The following DAB2 variants were observed in gnomAD, a reference collection of about 807,000 sequenced individuals.
DAB2 encodes DAB adaptor protein 2, also known as disabled homolog 2.
Under a neutral mutation model 71.6 loss-of-function variants are expected in DAB2, and 28 were observed. That is an observed-to-expected ratio of 0.39 (90% CI 0.29 to 0.54). The LOEUF (loss-of-function observed/expected upper bound fraction) is 0.54, where lower values mean the gene tolerates loss of function less well. Ranked by LOEUF, DAB2 falls within the 20% of genes least tolerant of loss-of-function variation. DAB2 has a pLI of 0.68. For synonymous variants in DAB2, 345 were observed against 339.7 expected, an observed-to-expected ratio of 1.02 and a Z score of -0.17; for missense variants, 867 against 928.8, an observed-to-expected ratio of 0.93 and a Z score of 0.86.
In DAB2 at chr5:39,405,983, T is replaced by C. The variant is rs116849463; in HGVS notation, c.-101-11562A>G. ...CATTGTTCTGGGAAAAAGGATAATATGGCTTTATTATGGGGTTGGAAGAGT... is the reference window on the plus strand; with the variant it reads ...CATTGTTCTGGGAAAAAGGATAATACGGCTTTATTATGGGGTTGGAAGAGT... On this transcript the variant is annotated intron_variant, in intron 1 of 14. Transcript: ENST00000320816. Among the ~76,000 whole-genome samples the C allele has an allele frequency of 2.9e-3, 439 of 152,254 alleles. 13 individuals are homozygous for C. In the East Asian group the frequency reaches 0.057, roughly 20 times the overall value.
At chr5:39,387,013 C>T (rs1478597954) in intron 9 of DAB2, among the ~76,000 whole-genome samples, 1 of 152,150 alleles carries the variant, frequency 6.6e-6, no homozygotes, top group Non-Finnish European at 1.5e-5. Context: ...TTAGGGCTCA[C>T]TGCTAAAATG....
At position 39,392,418 on chromosome 5, in the gene DAB2, T is replaced by G; in HGVS notation, c.277A>C (p.Ile93Leu). 1 of 1,614,088 alleles carries G rather than the reference T, an allele frequency of 6.2e-7. No homozygotes were observed. The highest frequency in any genetic ancestry group is 8.5e-7 in the Non-Finnish European group (1 of 1,179,986). ...GRSQGQHKQR[I>L]WVNISLSGIK... The stretch of plus-strand genomic sequence containing the variant: ...CCAGAAAGGGAAATGTTGACCCAGA[T>G]CCTTTGTTTGTGTTGTCCCTGAGAC... Residue 93 changes from isoleucine (I) to leucine (L), a missense_variant, in exon 4 of 15, where the codon ATC (isoleucine) becomes CTC (leucine). Physicochemically the swap from Ile to Leu is conservative, Grantham distance 5. Coordinates refer to ENST00000320816, the MANE Select transcript of DAB2 (RefSeq NM_001343.4).
At chr5:39,414,340 C>A (rs933296040) in intron 1 of DAB2, among the ~76,000 whole-genome samples, 1 of 152,076 alleles carries the variant, frequency 6.6e-6, no homozygotes, top group Non-Finnish European at 1.5e-5. Context: ...AAAGCAATAG[C>A]CTTAATTATC....
In DAB2 at chr5:39,376,863, G is replaced by T; in HGVS notation, c.1924C>A (p.Pro642Thr). 6.2e-7 allele frequency: 1 copy of T among 1,614,110 alleles called. No homozygotes were observed. Among genetic ancestry groups the T allele is most frequent in the Non-Finnish European group, 8.5e-7 (1 of 1,180,014 alleles). The change falls in exon 12 of 15, where the codon CCA becomes ACA. Residue 642 changes from proline (P) to threonine (T), a missense_variant. Coordinates refer to ENST00000320816, the MANE Select transcript of DAB2 (RefSeq NM_001343.4). ...ISSDAFTALD[P>T]LGDKEIKDVK... is the part of the protein sequence containing the mutation. ...TCCTTGATCTCTTTATCCCCAAGTG[G>T]GTCTAAGGCAGTGAAGGCATCACTG...
Position 39,392,725 on chromosome 5 carries a change from GAT to G in DAB2, c.232-264_232-263del, listed in dbSNP as rs1755265017. ...AGTCACTGGTAAAGCTCAACTAGAAGATCTTTAGAGATGTTTCTTCTAGGCCT... is the reference window on the plus strand; with the variant it reads ...AGTCACTGGTAAAGCTCAACTAGAAGCTTTAGAGATGTTTCTTCTAGGCCT... On this transcript the variant is annotated intron_variant, in intron 3 of 14. Transcript: ENST00000320816. 2.0e-5 allele frequency among the ~76,000 whole-genome samples: 3 copies of G among 152,274 alleles called. No individual in the cohort carries two copies. In the East Asian group the frequency reaches 5.8e-4, roughly 29 times the overall value.
rs187477638 is a variant in DAB2 at position 39,375,308 on chromosome 5, C to T, written c.2248-224G>A. ...TTCAGATGCATTTCATTTGCCTCCC[C>T]GAAATGGGAAGTATTATTTTCACAG... On this transcript the variant is annotated intron_variant, in intron 13 of 14. Coordinates refer to ENST00000320816, the MANE Select transcript of DAB2 (RefSeq NM_001343.4). Among the ~76,000 whole-genome samples the T allele has an allele frequency of 4.3e-3, 657 of 152,132 alleles. 4 individuals carry two copies. The highest frequency in any genetic ancestry group is 0.014 in the African/African-American group (577 of 41,514).
At chr5:39,380,757 T>A (rs1754963679) in intron 11 of DAB2, among the ~76,000 whole-genome samples, 1 of 152,214 alleles carries the variant, frequency 6.6e-6, no homozygotes, top group Non-Finnish European at 1.5e-5. Flanking sequence ...GCATACTAGC[T>A]GTCTGATAAA....
At position 39,411,776 on chromosome 5, in the gene DAB2, A is replaced by G. The variant is rs149077590; in HGVS notation, c.-102+13028T>C. Among the ~76,000 whole-genome samples, 14 of 152,356 alleles carry G rather than the reference A, an allele frequency of 9.2e-5. No homozygotes were observed. In the East Asian group the frequency reaches 2.5e-3, roughly 27 times the overall value. On this transcript the variant is annotated intron_variant, in intron 1 of 14. Transcript: ENST00000320816. ...GACAAATCCTCCAAAAGTAATGACC[A>G]AGCCCTTCCATTCTCCACAGGAGCC... is the stretch of plus-strand genomic sequence containing the variant.
intron 1 of DAB2, among the ~76,000 whole-genome samples, chr5:39,409,690 C>A (rs565240028): frequency 2.6e-5 from 4 of 152,158 alleles, no homozygotes; most frequent in Admixed American, 6.6e-5. Flanking sequence ...GCACACTCAG[C>A]AAGTTTGGAA....
intron 9 of DAB2, among the ~76,000 whole-genome samples, chr5:39,386,844 A>G (rs1755108414): frequency 6.6e-6 from 1 of 152,192 alleles, no homozygotes; most frequent in African/African-American, 2.4e-5. Flanking sequence ...ATTTGAGAAA[A>G]CATCACTAAT....
In DAB2 at chr5:39,394,213, A is replaced by G; in HGVS notation, c.91+17T>C. The G allele has an allele frequency of 1.2e-6, 2 of 1,607,592 alleles. No individual in the cohort carries two copies. The highest frequency in any genetic ancestry group is 1.7e-4 in the Middle Eastern group (1 of 6,052). ...TCTCTAGCTCCCTTCCTTGGCTTCA[A>G]GTGGATTTCTCCATACCTTTCTTTT... On this transcript the variant is annotated intron_variant, in intron 2 of 14. Transcript: ENST00000320816.
intron 1 of DAB2, among the ~76,000 whole-genome samples, chr5:39,416,190 G>A (rs1755843358): frequency 6.6e-6 from 1 of 151,812 alleles, no homozygotes; most frequent in Admixed American, 6.6e-5. Context: ...TTATATTATG[G>A]TGTTTGTTGA....
chr5:39,380,549 T>TA (rs748900834), intron 11 of DAB2, among the ~76,000 whole-genome samples: 64 of 152,078 alleles, frequency 4.2e-4, no homozygotes, highest in East Asian at 1.5e-3. Context: ...AGAAGAAAAA[T>TA]AGAGTCCATA....
intron 4 of DAB2, among the ~76,000 whole-genome samples, chr5:39,391,613 C>A (rs1010595389): frequency 1.3e-5 from 2 of 151,682 alleles, no homozygotes; most frequent in Admixed American, 1.3e-4. Context: ...TATTTTATAG[C>A]AATGAAAATG....
At chr5:39,393,827 AATT>A (rs1378268366) in intron 2 of DAB2, among the ~76,000 whole-genome samples, 3 of 152,226 alleles carry the variant, frequency 2.0e-5, no homozygotes, top group Non-Finnish European at 2.9e-5. Context: ...TTCTCTTGAA[AATT>A]ATTAAGATAA....
At chr5:39,405,992 T>C (rs995253009) in intron 1 of DAB2, among the ~76,000 whole-genome samples, 1 of 152,132 alleles carries the variant, frequency 6.6e-6, no homozygotes, top group African/African-American at 2.4e-5. Context: ...ATGGCTTTAT[T>C]ATGGGGTTGG....
At position 39,377,096 on chromosome 5, in the gene DAB2, G is replaced by A; in HGVS notation, c.1691C>T (p.Ser564Leu). Reference protein sequence around the residue: ...GWNQPSPFAASTPPPVPVVWG... With the variant: ...GWNQPSPFAALTPPPVPVVWG... Reference sequence around the variant, plus strand: ...GACAACAGGCACTGGAGGGGGAGTTGAGGCTGCAAAGGGTGAAGGCTGGTT... The same window carrying A: ...GACAACAGGCACTGGAGGGGGAGTTAAGGCTGCAAAGGGTGAAGGCTGGTT... The change falls in exon 12 of 15, where the codon TCA becomes TTA. Residue 564 changes from serine to leucine, a missense_variant. Coordinates refer to ENST00000320816, the MANE Select transcript of DAB2 (RefSeq NM_001343.4). The A allele has an allele frequency of 6.2e-7, 1 of 1,614,170 alleles. No individual in the cohort carries two copies. Among genetic ancestry groups the A allele is most frequent in the Non-Finnish European group, 8.5e-7 (1 of 1,180,022 alleles).
At position 39,382,752 on chromosome 5, in the gene DAB2, G is replaced by C; in HGVS notation, c.1207C>G (p.Pro403Ala). ...SSPNPFVGSPPKGLSIQNGVK... is the reference protein window; with the variant it reads ...SSPNPFVGSPAKGLSIQNGVK... Reference sequence around the variant, plus strand: ...CCATTCTGTATGGACAGTCCTTTGGGAGGGCTTCCCACAAAAGGGTTCGGG... The same window carrying C: ...CCATTCTGTATGGACAGTCCTTTGGCAGGGCTTCCCACAAAAGGGTTCGGG... The change falls in exon 10 of 15, where the codon CCC (proline) becomes GCC (alanine). Residue 403 changes from proline (P) to alanine (A), a missense_variant. Around this residue, in one of 2 missense-constraint regions of DAB2, gnomAD observed 740 missense variants for 734.3 expected, o/e 1.01. Transcript: ENST00000320816. 6.2e-7 allele frequency: 1 copy of C among 1,614,170 alleles called. No individual in the cohort carries two copies. The highest frequency in any genetic ancestry group is 1.1e-5 in the South Asian group (1 of 91,078).
Position 39,393,275 on chromosome 5 carries a change from T to C in DAB2, c.210A>G (p.Gln70=). 6.2e-7 allele frequency: 1 copy of C among 1,614,124 alleles called. No individual in the cohort carries two copies. Among genetic ancestry groups the C allele is most frequent in the Non-Finnish European group, 8.5e-7 (1 of 1,179,996 alleles). Residue 70 remains glutamine, a synonymous_variant, in exon 3 of 15, where the codon CAA becomes CAG. Coordinates refer to ENST00000320816, the MANE Select transcript of DAB2 (RefSeq NM_001343.4). ...VPDARGDKMS[Q]DSMMKLKGMA... ...TTACCTTTAGTTTCATCATAGAGTC[T>C]TGGCTCATTTTATCCCCTCTTGCAT...
Sources: allele counts gnomAD v4.1 joint callset (sites outside exome capture counted in the v4.1 genomes callset), GRCh38; gene constraint gnomAD v4.1.1; regional missense constraint gnomAD v4.1.1; transcripts MANE v1.5; gene names NCBI Gene and HGNC (gene_info 2026-07-23, HGNC 2026-07-21).